The following NREP variants were observed in gnomAD, a reference collection of about 807,000 sequenced individuals.
NREP encodes neuronal regeneration-related protein.
In NREP, 5 loss-of-function variants were observed where a neutral mutation model predicts 8.6. The ratio of observed to expected loss-of-function variants is 0.58; its 90% CI spans 0.30 to 1.22. NREP has a LOEUF of 1.22. Among genes scored for constraint, NREP ranks in the 50% most tolerant of loss-of-function variants. The pLI is 0.07. For synonymous variants in NREP, 27 were observed against 28.0 expected (o/e 0.96, Z 0.11); for missense variants, 86 against 82.5 (o/e 1.04, Z -0.17).
chr5:111,731,978 T>G (rs1015511382), intron 3 of NREP: 14 of 152,258 alleles, frequency 9.2e-5, no homozygotes, highest in Non-Finnish European at 1.8e-4. Context: ...TGTACAGGTA[T>G]GAACACAGTG....
At chr5:111,729,213 A>ACTT (rs1281450691), downstream of NREP, 3 of 152,174 alleles carry the variant, frequency 2.0e-5, no homozygotes, top group Admixed American at 2.0e-4. Context: ...TGCTGGCCTG[A>ACTT]CTTCTGGGGC....
At chr5:111,785,928 G>A (rs146734157) in intron 2 of NREP, among the ~76,000 whole-genome samples, 9 of 152,254 alleles carry the variant, frequency 5.9e-5, no homozygotes, top group Admixed American at 5.9e-4. Context: ...GTTGCAGAGA[G>A]AGTATGAAAA....
chr5:111,894,642 T>G (rs1049761626), intron 2 of NREP, among the ~76,000 whole-genome samples: 5 of 152,186 alleles, frequency 3.3e-5, no homozygotes, highest in Non-Finnish European at 7.3e-5. Flanking sequence ...ACCTACTGAT[T>G]CAAAGCAACA....
At chr5:111,752,069 G>C (rs1484270321) in intron 2 of NREP, among the ~76,000 whole-genome samples, 5 of 152,156 alleles carry the variant, frequency 3.3e-5, no homozygotes, top group Non-Finnish European at 7.3e-5. Context: ...GTTTAGCAGA[G>C]TATTCATATT....
At chr5:111,955,239 G>A (rs1407331531) in intron 2 of NREP, among the ~76,000 whole-genome samples, 5 of 152,016 alleles carry the variant, frequency 3.3e-5, no homozygotes, top group South Asian at 2.1e-4. Context: ...CAATACCTGG[G>A]ATTATCACAG....
intron 2 of NREP, among the ~76,000 whole-genome samples, chr5:111,886,190 A>C (rs1239537384): frequency 6.6e-6 from 1 of 152,232 alleles, no homozygotes; most frequent in African/African-American, 2.4e-5. Flanking sequence ...TCAAAAGAAG[A>C]CATTTATGCA....
chr5:111,971,639 A>G (rs181351647), intron 2 of NREP, among the ~76,000 whole-genome samples: 13 of 152,360 alleles, frequency 8.5e-5, no homozygotes, highest in Admixed American at 3.3e-4. Context: ...CAGCCTCTTC[A>G]GTAAACAGTG....
At chr5:111,962,938 T>C (rs933988451) in intron 2 of NREP, among the ~76,000 whole-genome samples, 13 of 152,192 alleles carry the variant, frequency 8.5e-5, no homozygotes, top group African/African-American at 2.7e-4. Context: ...ACCTTCACCA[T>C]CCTTCAAGTG....
intron 2 of NREP, among the ~76,000 whole-genome samples, chr5:111,809,367 C>T (rs2112912309): frequency 6.6e-6 from 1 of 152,326 alleles, no homozygotes; most frequent in Non-Finnish European, 1.5e-5. Flanking sequence ...AAGTCAGCTA[C>T]TGTTTGAGTG....
At chr5:111,872,702 T>A (rs1262535676) in intron 2 of NREP, among the ~76,000 whole-genome samples, 2 of 152,122 alleles carry the variant, frequency 1.3e-5, no homozygotes, top group Non-Finnish European at 2.9e-5. Flanking sequence ...AATTTATAGG[T>A]TTACAAACTG....
chr5:111,772,984 T>C (rs1479164190), intron 2 of NREP, among the ~76,000 whole-genome samples: 1 of 152,170 alleles, frequency 6.6e-6, no homozygotes, highest in Non-Finnish European at 1.5e-5. Flanking sequence ...TTATCTGTTT[T>C]CAACTAAGTC....
chr5:111,890,189 A>G lies in NREP; in HGVS notation c.135+85085T>C, dbSNP rs1282585125. Among the ~76,000 whole-genome samples, 3 of 152,222 alleles carry G rather than the reference A, an allele frequency of 2.0e-5. 1 individual carries two copies. The highest frequency in any genetic ancestry group is 4.4e-5 in the Non-Finnish European group (3 of 68,042). ...GGGCTACAGGCCTCAAGCAAGTTCA[A>G]AACACAGCAGGGCAGTCATTAAATA... On this transcript the variant is annotated intron_variant, in intron 2 of 3. Coordinates refer to the NREP transcript ENST00000395634.
At chr5:111,963,938 T>C (rs1215417853) in intron 2 of NREP, among the ~76,000 whole-genome samples, 3 of 152,352 alleles carry the variant, frequency 2.0e-5, no homozygotes, top group South Asian at 2.1e-4. Context: ...GTAATACCAA[T>C]GTGCACATAG....
chr5:111,759,214 T>G (rs1750899843), upstream of NREP, among the ~76,000 whole-genome samples: 1 of 152,094 alleles, frequency 6.6e-6, no homozygotes, highest in Non-Finnish European at 1.5e-5. Flanking sequence ...GGCATTCACC[T>G]CAGGGTCAGG....
intron 2 of NREP, among the ~76,000 whole-genome samples, chr5:111,765,152 A>G (rs548429939): frequency 3.9e-5 from 6 of 152,140 alleles, no homozygotes; most frequent in Non-Finnish European, 8.8e-5. Context: ...AAACTGTTCC[A>G]CCTCAGATCA....
intron 2 of NREP, 160 bp downstream of exon 2, chr5:111,755,609 CT>C: frequency 1.4e-6 from 1 of 720,636 alleles, no homozygotes; most frequent in Non-Finnish European, 2.5e-6. Flanking sequence ...ACATAAATTG[CT>C]GTACTGCAAC....
intron 2 of NREP, among the ~76,000 whole-genome samples, chr5:111,793,529 C>T (rs1324553613): frequency 6.6e-6 from 1 of 152,192 alleles, no homozygotes; most frequent in East Asian, 1.9e-4. Context: ...GGATCATGTA[C>T]ACCCACATTG....
chr5:111,828,240 G>A (rs188156922), intron 2 of NREP, among the ~76,000 whole-genome samples: 1 of 152,224 alleles, frequency 6.6e-6, no homozygotes, highest in African/African-American at 2.4e-5. Context: ...GTGTTGGTCA[G>A]GCTAGTTGCG....
intron 2 of NREP, among the ~76,000 whole-genome samples, chr5:111,776,473 A>T (rs1448106671): frequency 6.6e-6 from 1 of 152,196 alleles, no homozygotes; most frequent in Non-Finnish European, 1.5e-5. Context: ...TCCTAGGTGT[A>T]TGAGAAATAA....
Sources: gnomAD v4.1 joint callset for allele counts (sites outside exome capture counted in the v4.1 genomes callset) on GRCh38, gnomAD v4.1.1 for gene constraint, MANE v1.5 for transcripts, NCBI Gene and HGNC (gene_info 2026-07-23, HGNC 2026-07-21) for gene names.